The following HERC2 variants were observed in gnomAD, a reference collection of about 807,000 sequenced individuals.
HERC2 encodes HECT and RLD domain containing E3 ubiquitin protein ligase 2.
In HERC2, 102 loss-of-function variants were observed where a neutral mutation model predicts 537.7. The ratio of observed to expected loss-of-function variants is 0.19; its 90% CI spans 0.16 to 0.22. The LOEUF (loss-of-function observed/expected upper bound fraction) is 0.22. Ranked by LOEUF, HERC2 falls within the 10% of genes least tolerant of loss-of-function variation. HERC2 has a pLI of 1.00. For missense variants in HERC2, 4,236 were observed against 6,198.2 expected (o/e 0.68, Z 10.63); for synonymous variants, 2,224 against 2,466.2 (o/e 0.90, Z 2.91).
chr15:28,187,390 G>A (rs1489769682), intron 55 of HERC2, among the ~76,000 whole-genome samples: 1 of 151,340 alleles, frequency 6.6e-6, no homozygotes, highest in Non-Finnish European at 1.5e-5. Flanking sequence ...GGAGTGCAGT[G>A]GTGCAATCTT....
chr15:28,270,055 G>A (rs1260424295), intron 10 of HERC2, among the ~76,000 whole-genome samples: 1 of 152,110 alleles, frequency 6.6e-6, no homozygotes, highest in Non-Finnish European at 1.5e-5. Flanking sequence ...TCCGCCTCCC[G>A]GGTTCAAGTG....
At chr15:28,272,699 T>C (rs539912983) in intron 8 of HERC2, among the ~76,000 whole-genome samples, 195 bp downstream of exon 8, 1 of 149,202 alleles carries the variant, frequency 6.7e-6, no homozygotes, top group East Asian at 2.0e-4. Flanking sequence ...AAAAGAACAG[T>C]TCCCAGGCTA....
rs780077073 is a variant in HERC2, at chr15:28,202,405, G to A, written c.7422C>T (p.Asn2474=). Residue 2474 remains asparagine, a synonymous_variant, in exon 46 of 93, where the codon AAC becomes AAT. Coordinates refer to ENST00000261609, the MANE Select transcript of HERC2 (RefSeq NM_004667.6). ...QLMEMGFSRR[N]IEFALKSLTG... ...TGAGAGACTTCAGGGCAAACTCGAT[G>A]TTCCTTCTGGAAAATCCCATCTCCA... is the stretch of plus-strand genomic sequence containing the variant. 4.3e-6 allele frequency: 7 copies of A among 1,612,092 alleles called. No individual in the cohort carries two copies. The highest frequency in any genetic ancestry group is 2.7e-5 in the African/African-American group (2 of 74,926).
At chr15:28,251,731 C>T (rs1295565526) in intron 20 of HERC2, among the ~76,000 whole-genome samples, 4 of 152,072 alleles carry the variant, frequency 2.6e-5, no homozygotes, top group Non-Finnish European at 4.4e-5. Flanking sequence ...AGCCAAGAGG[C>T]AGAGGTTACA....
At chr15:28,117,329 T>A (rs1009570773) in intron 86 of HERC2, 175 bp from the exon 87 acceptor site, 1 of 731,570 alleles carries the variant, frequency 1.4e-6, no homozygotes, top group East Asian at 2.7e-5. Context: ...GGCGCTCGAC[T>A]GTGGACACCC....
chr15:28,188,770 A>G (rs1256528975), intron 55 of HERC2, among the ~76,000 whole-genome samples: 1 of 152,074 alleles, frequency 6.6e-6, no homozygotes, highest in Non-Finnish European at 1.5e-5. Context: ...GTTCCAGCAT[A>G]CTTTCTATTT....
At chr15:28,321,638 T>G (rs2077232794) in intron 1 of HERC2, among the ~76,000 whole-genome samples, 174 bp from the exon 2 acceptor site, 11 of 115,000 alleles carry the variant, frequency 9.6e-5, no homozygotes, top group South Asian at 3.1e-4. Context: ...GAGAGGGAGG[T>G]GGGGAAGGGA....
chr15:28,239,152 T>C (rs1022225921), intron 23 of HERC2, among the ~76,000 whole-genome samples: 1 of 152,164 alleles, frequency 6.6e-6, no homozygotes, highest in African/African-American at 2.4e-5. Context: ...AATACACTTA[T>C]AAGTAACCCA....
chr15:28,223,213 A>T (rs1237856195), intron 35 of HERC2, among the ~76,000 whole-genome samples: 1 of 152,066 alleles, frequency 6.6e-6, no homozygotes, highest in African/African-American at 2.4e-5. Flanking sequence ...TGAAAATAGG[A>T]GCGCTAACCC....
At chr15:28,226,992 G>A (rs111819804) in intron 35 of HERC2, among the ~76,000 whole-genome samples, 14 of 152,134 alleles carry the variant, frequency 9.2e-5, no homozygotes, top group Admixed American at 2.6e-4. Flanking sequence ...AAGGAGAAAC[G>A]GGCTGGGCGC....
rs573272355 is a variant in HERC2 at position 28,154,127 on chromosome 15, G to A, written c.10747-1297C>T. ...AACTCTGTTATTTTTAAAAATAAAT[G>A]AGAGAATACATCATAACAGCAATAA... On this transcript the variant is annotated intron_variant, in intron 69 of 92. Transcript: ENST00000261609. Among the ~76,000 whole-genome samples the A allele has an allele frequency of 3.3e-5, 5 of 152,298 alleles. No individual in the cohort carries two copies. The East Asian group carries it at 9.6e-4, about 29-fold the overall frequency.
intron 6 of HERC2, 78 bp from the exon 7 acceptor site, chr15:28,274,525 A>C: frequency 6.9e-7 from 1 of 1,446,824 alleles, no homozygotes; most frequent in South Asian, 1.3e-5. Flanking sequence ...TCAGCGAGAG[A>C]TGACGCCACT....
At chr15:28,114,138 C>A (rs1427349397) in intron 90 of HERC2, among the ~76,000 whole-genome samples, 1 of 152,216 alleles carries the variant, frequency 6.6e-6, no homozygotes, top group African/African-American at 2.4e-5. Flanking sequence ...CTCTCAGGTG[C>A]TTCCAGGGGA....
At chr15:28,160,488 T>C (rs1355997453) in intron 69 of HERC2, among the ~76,000 whole-genome samples, 1 of 152,186 alleles carries the variant, frequency 6.6e-6, no homozygotes, top group Admixed American at 6.5e-5. Flanking sequence ...CAGGCTGCTG[T>C]GCTAGCAATG....
chr15:28,169,733 T>C, intron 65 of HERC2, 78 bp from the exon 66 acceptor site: 6 of 1,429,674 alleles, frequency 4.2e-6, no homozygotes, highest in Non-Finnish European at 5.8e-6. Context: ...ACCTTACAGG[T>C]TAGTTCCAAA....
chr15:28,275,102 G>A (rs776048209), intron 5 of HERC2, 97 bp from the exon 6 acceptor site: 147 of 634,378 alleles, frequency 2.3e-4, no homozygotes, highest in Admixed American at 5.2e-5. Flanking sequence ...ACCAAAATCC[G>A]ACCAATGGTT....
At chr15:28,240,847 A>G (rs1903034421) in intron 23 of HERC2, among the ~76,000 whole-genome samples, 1 of 150,662 alleles carries the variant, frequency 6.6e-6, no homozygotes, top group South Asian at 2.1e-4. Context: ...ATGCACATGT[A>G]AAGAACGGAG....
chr15:28,229,369 T>C, intron 33 of HERC2, 23 bp from the exon 34 acceptor site: 2 of 1,613,390 alleles, frequency 1.2e-6, no homozygotes, highest in Non-Finnish European at 1.7e-6. Context: ...GATAAAGAAT[T>C]TGACTTGGGA....
At chr15:28,233,125 T>G in intron 30 of HERC2, 21 bp downstream of exon 30, 5 of 1,588,998 alleles carry the variant, frequency 3.1e-6, no homozygotes, top group Non-Finnish European at 3.4e-6. Flanking sequence ...AATAGTATCT[T>G]CTGTCCTTTT....
Sources: allele counts gnomAD v4.1 joint callset (sites outside exome capture counted in the v4.1 genomes callset), GRCh38; gene constraint gnomAD v4.1.1; transcripts MANE v1.5; gene names NCBI Gene and HGNC (gene_info 2026-07-23, HGNC 2026-07-21).